SLC24A3: variants seen among roughly 807,000 people sequenced by gnomAD.
The protein encoded by SLC24A3 is solute carrier family 24 member 3, also known as sodium/potassium/calcium exchanger 3.
In SLC24A3, 28 loss-of-function variants were observed where a neutral mutation model predicts 75.8. The observed-to-expected ratio is 0.37, with a 90% CI of 0.27 to 0.51. The LOEUF (loss-of-function observed/expected upper bound fraction) is 0.51. Among genes scored for constraint, SLC24A3 ranks in the 20% least tolerant of loss-of-function variants. SLC24A3 has a pLI of 0.94. For synonymous variants in SLC24A3, 372 were observed against 334.1 expected, an observed-to-expected ratio of 1.11 and a Z score of -1.24; for missense variants, 663 against 847.8, an observed-to-expected ratio of 0.78 and a Z score of 2.71.
chr20:19,483,465 G>T lies in SLC24A3; in HGVS notation c.272-32023G>T, dbSNP rs187724114. Among the ~76,000 whole-genome samples the T allele has an allele frequency of 1.6e-4, 25 of 152,330 alleles. No individual in the cohort carries two copies. In the East Asian group the frequency reaches 4.4e-3, roughly 27 times the overall value. On this transcript the variant is annotated intron_variant, in intron 2 of 16. Coordinates refer to ENST00000328041, the MANE Select transcript of SLC24A3 (RefSeq NM_020689.4). Reference sequence around the variant, plus strand: ...TGGATTGTGGGGCTGTGGAGTAATTGTGTGTGTATGTGGTAACTAAACCTA... The same window carrying T: ...TGGATTGTGGGGCTGTGGAGTAATTTTGTGTGTATGTGGTAACTAAACCTA...
intron 1 of SLC24A3, among the ~76,000 whole-genome samples, chr20:19,252,554 T>G (rs1309371514): frequency 6.6e-6 from 1 of 151,722 alleles, no homozygotes; most frequent in African/African-American, 2.4e-5. Context: ...GAGGGGTTGT[T>G]TCATCTTTTC....
chr20:19,471,724 T>C (rs376096409), intron 2 of SLC24A3, among the ~76,000 whole-genome samples: 34 of 152,190 alleles, frequency 2.2e-4, no homozygotes, highest in African/African-American at 6.7e-4. Flanking sequence ...GTGTAGTAGA[T>C]AGAGGTGGCA....
At chr20:19,443,201 G>T (rs370809362) in intron 2 of SLC24A3, among the ~76,000 whole-genome samples, 3 of 152,208 alleles carry the variant, frequency 2.0e-5, no homozygotes, top group East Asian at 3.9e-4. Flanking sequence ...GAATCAGCTT[G>T]TTCATATCCA....
chr20:19,269,509 G>T (rs936775571), intron 1 of SLC24A3, among the ~76,000 whole-genome samples: 3 of 152,222 alleles, frequency 2.0e-5, no homozygotes, highest in Non-Finnish European at 4.4e-5. Flanking sequence ...TCAATTTCTA[G>T]GCCAGAGGCC....
Position 19,425,297 on chromosome 20 carries a change from C to T in SLC24A3, c.272-90191C>T, listed in dbSNP as rs889216038. ...CAGCCTAGGTGACAGAGTGAGACTCCGTCTCAAAAAAAAAAAAATTAATTA... is the reference window on the plus strand; with the variant it reads ...CAGCCTAGGTGACAGAGTGAGACTCTGTCTCAAAAAAAAAAAAATTAATTA... On this transcript the variant is annotated intron_variant, in intron 2 of 16. Transcript: ENST00000328041. Among the ~76,000 whole-genome samples, 84 of 112,158 alleles carry T rather than the reference C, an allele frequency of 7.5e-4. 1 individual carries two copies. Among genetic ancestry groups the T allele is most frequent in the Non-Finnish European group, 4.1e-4 (22 of 53,042 alleles). The allele number at this position is 112,158 out of a possible 152,430, so 73.6% of individuals were successfully genotyped here. A position where few individuals can be genotyped will look rare whatever the true frequency, so the allele number is the denominator to read the frequency against.
intron 2 of SLC24A3, among the ~76,000 whole-genome samples, chr20:19,358,249 T>G (rs962964388): frequency 4.6e-5 from 7 of 152,022 alleles, no homozygotes; most frequent in Non-Finnish European, 8.8e-5. Context: ...AGGAGGTGAG[T>G]GAGTGACCTT....
intron 10 of SLC24A3, 57 bp from the exon 11 acceptor site, chr20:19,684,119 C>G: frequency 6.4e-7 from 1 of 1,564,512 alleles, no homozygotes; most frequent in East Asian, 2.3e-5. Context: ...TAAATGAATG[C>G]CTCTTTCCTG....
intron 9 of SLC24A3, among the ~76,000 whole-genome samples, chr20:19,681,473 G>A (rs2032614975): frequency 6.6e-6 from 1 of 152,170 alleles, no homozygotes; most frequent in Non-Finnish European, 1.5e-5. Flanking sequence ...AGGCCCTGGA[G>A]ATGTGGCCCA....
At chr20:19,659,977 T>C (rs2032308042) in intron 7 of SLC24A3, among the ~76,000 whole-genome samples, 2 of 152,196 alleles carry the variant, frequency 1.3e-5, no homozygotes, top group Non-Finnish European at 2.9e-5. Context: ...CTTTCTGTGA[T>C]AGAGAAGAAA....
At chr20:19,693,583 G>A (rs1434265172) in intron 13 of SLC24A3, 158 bp downstream of exon 13, 2 of 871,636 alleles carry the variant, frequency 2.3e-6, no homozygotes, top group Non-Finnish European at 3.3e-6. Context: ...AGAATTGCAG[G>A]CATCGATTCT....
chr20:19,405,408 T>C (rs1017541464), intron 2 of SLC24A3, among the ~76,000 whole-genome samples: 1 of 152,200 alleles, frequency 6.6e-6, no homozygotes, highest in East Asian at 1.9e-4. Flanking sequence ...GAAAAAAGAT[T>C]AGTGTTTGAG....
At chr20:19,221,979 G>T (rs1239009548) in intron 1 of SLC24A3, among the ~76,000 whole-genome samples, 1 of 151,748 alleles carries the variant, frequency 6.6e-6, no homozygotes, top group African/African-American at 2.4e-5. Context: ...CTATTATTTG[G>T]GTGTTTGACT....
chr20:19,680,663 C>T (rs906310320), intron 9 of SLC24A3, among the ~76,000 whole-genome samples: 1 of 152,202 alleles, frequency 6.6e-6, no homozygotes, highest in Non-Finnish European at 1.5e-5. Flanking sequence ...AGTAACTGCA[C>T]GTTCCTAGAG....
At chr20:19,322,638 A>G (rs981146965) in intron 2 of SLC24A3, among the ~76,000 whole-genome samples, 1 of 152,146 alleles carries the variant, frequency 6.6e-6, no homozygotes, top group Non-Finnish European at 1.5e-5. Context: ...TAGTTAGGTT[A>G]TAACAGTCTA....
At chr20:19,621,140 C>T (rs1003063641) in intron 6 of SLC24A3, among the ~76,000 whole-genome samples, 1 of 152,178 alleles carries the variant, frequency 6.6e-6, no homozygotes, top group Non-Finnish European at 1.5e-5. Flanking sequence ...CCAGCAAACA[C>T]AAAAGTAAAA....
At chr20:19,498,595 A>G (rs111708083) in intron 2 of SLC24A3, among the ~76,000 whole-genome samples, 2,088 of 152,046 alleles carry the variant, frequency 0.014, 21 homozygotes, top group Middle Eastern at 0.034. Flanking sequence ...CTTCCCACTC[A>G]CTGTCTGATC....
At chr20:19,420,575 G>A (rs2122435525) in intron 2 of SLC24A3, among the ~76,000 whole-genome samples, 1 of 112,246 alleles carries the variant, frequency 8.9e-6, no homozygotes, top group South Asian at 2.9e-4. Flanking sequence ...TCAATATCGT[G>A]AAAATGGCCA....
At chr20:19,336,863 A>G (rs1985148587) in intron 2 of SLC24A3, among the ~76,000 whole-genome samples, 1 of 152,038 alleles carries the variant, frequency 6.6e-6, no homozygotes, top group Admixed American at 6.5e-5. Context: ...CTTCCTCTTT[A>G]TAAAATGTAC....
Position 19,602,478 on chromosome 20 carries a change from A to G in SLC24A3, c.612+16934A>G, listed in dbSNP as rs77163564. Reference sequence around the variant, plus strand: ...CCTCTACCTTCTCCTTTACCCAGACAGATGCCTGGACCTCTTCTTTAAAGC... The same window carrying G: ...CCTCTACCTTCTCCTTTACCCAGACGGATGCCTGGACCTCTTCTTTAAAGC... On this transcript the variant is annotated intron_variant, in intron 6 of 16. Transcript: ENST00000328041. Among the ~76,000 whole-genome samples, 7 of 152,300 alleles carry G rather than the reference A, an allele frequency of 4.6e-5. No individual in the cohort carries two copies. In the East Asian group the frequency reaches 1.4e-3, roughly 29 times the overall value.
Sources: allele counts gnomAD v4.1 joint callset (sites outside exome capture counted in the v4.1 genomes callset), GRCh38; gene constraint gnomAD v4.1.1; transcripts MANE v1.5; gene names NCBI Gene and HGNC (gene_info 2026-07-23, HGNC 2026-07-21).